The following TRIM26 variants were observed in gnomAD, a reference collection of about 807,000 sequenced individuals.
TRIM26 encodes the protein tripartite motif containing 26.
Under a neutral mutation model 45.5 loss-of-function variants are expected in TRIM26, and 16 were observed. The observed-to-expected ratio is 0.35, with a 90% CI of 0.24 to 0.53. The LOEUF is 0.53. Among genes scored for constraint, TRIM26 ranks in the 20% least tolerant of loss-of-function variants. The probability of loss-of-function intolerance (pLI) is 0.92; values close to 1 mark genes in which losing one functional copy is unlikely to be tolerated. For synonymous variants in TRIM26, 273 were observed against 290.4 expected, an observed-to-expected ratio of 0.94 and a Z score of 0.61; for missense variants, 442 against 691.1, an observed-to-expected ratio of 0.64 and a Z score of 4.04.
At position 30,207,027 on chromosome 6, in the gene TRIM26, A is replaced by G. The variant is rs1274999537; in HGVS notation, c.-375-2262T>C. On this transcript the variant is annotated intron_variant, in intron 1 of 9. Coordinates refer to ENST00000454678, the MANE Select transcript of TRIM26 (RefSeq NM_003449.5). The surrounding 1 kb of genome is among the most constrained non-coding windows in gnomAD (Gnocchi z 4.9). ...AATGAACTCTTCCCTGCCCATATGG[A>G]GTGCTGTGGAGGGTTAGCCTCACAG... 1.3e-5 allele frequency among the ~76,000 whole-genome samples: 2 copies of G among 152,168 alleles called. No homozygotes were observed. Among genetic ancestry groups the G allele is most frequent in the Non-Finnish European group, 1.5e-5 (1 of 68,030 alleles).
Position 30,207,420 on chromosome 6 carries a change from G to T in TRIM26, c.-375-2655C>A, listed in dbSNP as rs1436545962. ...AAGCTGAAATCAGATCCAACTGTGG[G>T]ATCATCAAACCCTCAAGGGTTTCCT... On this transcript the variant is annotated intron_variant, in intron 1 of 9. Coordinates refer to ENST00000454678, the MANE Select transcript of TRIM26 (RefSeq NM_003449.5). The surrounding 1 kb of genome is among the most constrained non-coding windows in gnomAD (Gnocchi z 4.9). Among the ~76,000 whole-genome samples, 1 of 152,114 alleles carries T rather than the reference G, an allele frequency of 6.6e-6. No homozygotes were observed. Among genetic ancestry groups the T allele is most frequent in the Non-Finnish European group, 1.5e-5 (1 of 68,032 alleles).
rs760883905 is a variant in TRIM26, at chr6:30,186,326, TTCC to T, written c.1167_1169del (p.Glu391del). The T allele has an allele frequency of 1.9e-5, 31 of 1,611,502 alleles. No homozygotes were observed. The highest frequency in any genetic ancestry group is 2.2e-5 in the East Asian group (1 of 44,870). ...CTTCCTCCTCCTCCTCTTCTCCCTC[TTCC>T]TCCTCATCCCCCTCTTCTTCATCCT... On this transcript the variant is annotated inframe_deletion, in exon 10 of 10. Coordinates refer to ENST00000454678, the MANE Select transcript of TRIM26 (RefSeq NM_003449.5). The surrounding 1 kb of genome is among the most constrained non-coding windows in gnomAD (Gnocchi z 7.4).
chr6:30,198,433 G>A lies in TRIM26; in HGVS notation c.530C>T (p.Ala177Val), dbSNP rs765164788. Residue 177 changes from alanine to valine, a missense_variant, in exon 5 of 10, where the codon GCG (alanine) becomes GTG (valine). Ala to Val is a moderately conservative substitution (Grantham distance 64). Coordinates refer to ENST00000454678, the MANE Select transcript of TRIM26 (RefSeq NM_003449.5). This position sits in a 1 kb window ranked among gnomAD's most constrained non-coding sequence, Gnocchi z 6.3. ...QAKGEADILAALKKLQDQRQY... is the reference protein window; with the variant it reads ...QAKGEADILAVLKKLQDQRQY... ...TCCTGAAACAGCCTCACTTACCAGC[G>A]CGGCCAGGATATCAGCTTCTCCCTT... 12 of 1,612,946 alleles carry A rather than the reference G, an allele frequency of 7.4e-6. No individual in the cohort carries two copies. Among genetic ancestry groups the A allele is most frequent in the Non-Finnish European group, 8.5e-6 (10 of 1,180,044 alleles).
chr6:30,185,974 G>T lies in TRIM26; in HGVS notation c.1522C>A (p.Gln508Lys), dbSNP rs1343051536. The T allele has an allele frequency of 6.2e-7, 1 of 1,612,814 alleles. No individual in the cohort carries two copies. The highest frequency in any genetic ancestry group is 8.5e-7 in the Non-Finnish European group (1 of 1,179,924). Residue 508 changes from glutamine (Q) to lysine (K), a missense_variant, in exon 10 of 10, where the codon CAG (glutamine) becomes AAG (lysine). Transcript: ENST00000454678. The surrounding 1 kb of genome is among the most constrained non-coding windows in gnomAD (Gnocchi z 5.7). ...GTVTFTNAES[Q>K]ELIYTFTATF... ...GCAGTGAAGGTGTAGATGAGTTCCT[G>T]TGACTCTGCGTTGGTGAAAGTCACG... is the stretch of plus-strand genomic sequence containing the variant.
At position 30,203,501 on chromosome 6, in the gene TRIM26, C is replaced by T. The variant is rs183917192; in HGVS notation, c.-266+1155G>A. Among the ~76,000 whole-genome samples, 1,102 of 152,192 alleles carry T rather than the reference C, an allele frequency of 7.2e-3. 42 individuals carry two copies. The South Asian group carries it at 0.12, about 17-fold the overall frequency. ...GCGCAATCTGGCTCACTACAACCTT[C>T]GCTTGCCAGGTTCAAGCGATTCTCC... On this transcript the variant is annotated intron_variant, in intron 2 of 9. Coordinates refer to ENST00000454678, the MANE Select transcript of TRIM26 (RefSeq NM_003449.5).
Position 30,199,043 on chromosome 6 carries a change from C to A in TRIM26, c.61G>T (p.Asp21Tyr), listed in dbSNP as rs1415534225. The A allele has an allele frequency of 6.2e-7, 1 of 1,604,056 alleles. No homozygotes were observed. Among genetic ancestry groups the A allele is most frequent in the Non-Finnish European group, 8.5e-7 (1 of 1,173,586 alleles). The change falls in exon 4 of 10, where the codon GAT (aspartate) becomes TAT (tyrosine). Residue 21 changes from aspartate (D) to tyrosine (Y), a missense_variant. Physicochemically the swap from Asp to Tyr is radical, Grantham distance 160. Coordinates refer to ENST00000454678, the MANE Select transcript of TRIM26 (RefSeq NM_003449.5). ...EEEVTCSICL[D>Y]YLRDPVTIDC... ...ATGGTCACAGGGTCCCGCAGGTAAT[C>A]AAGACAGATGGAGCAGGTCACCTCC... is the stretch of plus-strand genomic sequence containing the variant.
At position 30,190,908 on chromosome 6, in the gene TRIM26, CTTCTA is replaced by C. The variant is rs1775761442; in HGVS notation, c.766-878_766-874del. 6.6e-6 allele frequency among the ~76,000 whole-genome samples: 1 copy of C among 152,156 alleles called. No homozygotes were observed. Among genetic ancestry groups the C allele is most frequent in the Admixed American group, 6.5e-5 (1 of 15,274 alleles). On this transcript the variant is annotated intron_variant, in intron 6 of 9. Coordinates refer to ENST00000454678, the MANE Select transcript of TRIM26 (RefSeq NM_003449.5). The surrounding 1 kb of genome is among the most constrained non-coding windows in gnomAD (Gnocchi z 4.3). ...AACTGTTAACTGAGGCAGAAATAAA[CTTCTA>C]TTCTGTTTGCGTCACTGTACAGCAG...
intron 6 of TRIM26, among the ~76,000 whole-genome samples, chr6:30,192,077 A>C (rs2284164): frequency 0.43 from 64,813 of 152,046 alleles, 13,993 homozygotes; most frequent in Non-Finnish European, 0.45. Flanking sequence ...GCTGGCCCTG[A>C]GGAGAAGAGG....
intron 5 of TRIM26, among the ~76,000 whole-genome samples, chr6:30,197,828 C>T (rs948913620): frequency 5.9e-5 from 9 of 152,042 alleles, no homozygotes; most frequent in African/African-American, 1.9e-4. Flanking sequence ...TCAGTAGAGA[C>T]GCTTTTTCTT....
At chr6:30,208,986 GC>G (rs1778013987) in intron 1 of TRIM26, among the ~76,000 whole-genome samples, 1 of 148,606 alleles carries the variant, frequency 6.7e-6, no homozygotes, top group African/African-American at 2.5e-5. Context: ...CATGAGACAG[GC>G]CCAATAACAG....
intron 1 of TRIM26, among the ~76,000 whole-genome samples, chr6:30,211,564 C>G (rs187304637): frequency 2.6e-5 from 4 of 152,276 alleles, no homozygotes; most frequent in Admixed American, 2.6e-4. Context: ...TCACCCACTG[C>G]CTTAGGCCTT....
rs375017885 is a variant in TRIM26, at chr6:30,198,007, C to T, written c.534+422G>A. On this transcript the variant is annotated intron_variant, in intron 5 of 9. Coordinates refer to ENST00000454678, the MANE Select transcript of TRIM26 (RefSeq NM_003449.5). This position sits in a 1 kb window ranked among gnomAD's most constrained non-coding sequence, Gnocchi z 6.3. ...CTTAGCTGTTTTCTAGCCCTTCCCT[C>T]TCAGTTCTTACCCTGGAGCCAGCTC... Among the ~76,000 whole-genome samples, 12 of 152,326 alleles carry T rather than the reference C, an allele frequency of 7.9e-5. No individual in the cohort carries two copies. In the East Asian group the frequency reaches 2.3e-3, roughly 29 times the overall value.
In TRIM26 at chr6:30,199,223, G is replaced by T; in HGVS notation, c.-120C>A. The T allele has an allele frequency of 1.1e-6, 1 of 902,170 alleles. No homozygotes were observed. The highest frequency in any genetic ancestry group is 1.6e-6 in the Non-Finnish European group (1 of 613,706). The allele number at this position is 902,170 out of a possible 1,614,324, so 55.9% of individuals were successfully genotyped here. ...CAAAGGTGGCAGCCTGCACAGGGCT[G>T]CCAGCTCCAGCACTCAGTCAATCGA... On this transcript the variant is annotated 5_prime_UTR_variant, in exon 4 of 10. Coordinates refer to ENST00000454678, the MANE Select transcript of TRIM26 (RefSeq NM_003449.5).
chr6:30,189,653 A>C lies in TRIM26; in HGVS notation c.789-120T>G. 1 of 873,608 alleles carries C rather than the reference A, an allele frequency of 1.1e-6. No homozygotes were observed. Among genetic ancestry groups the C allele is most frequent in the Non-Finnish European group, 1.8e-6 (1 of 557,748 alleles). 54.1% of individuals were successfully genotyped at this position (873,608 alleles called of 1,614,324 possible). On this transcript the variant is annotated intron_variant, in intron 7 of 9. Coordinates refer to ENST00000454678, the MANE Select transcript of TRIM26 (RefSeq NM_003449.5). The surrounding 1 kb of genome is among the most constrained non-coding windows in gnomAD (Gnocchi z 5.0). ...AGGAAAGGTATGATTATCCCCAAAC[A>C]AGTGACAGAAAAACAGTGGCCCAAA...
rs749086058 is a variant in TRIM26, at chr6:30,186,383, T to C, written c.1113A>G (p.Glu371=). 76 of 1,612,284 alleles carry C rather than the reference T, an allele frequency of 4.7e-5. 1 individual carries two copies. In the Middle Eastern group the frequency reaches 9.9e-4, roughly 21 times the overall value. ...KGFTWGKVYW[E]VEVEREGWSE... is the part of the protein sequence containing the mutation. Reference sequence around the variant, plus strand: ...ACCAGCCCTCCCTCTCCACTTCCACTTCCCAGTAGACCTTGCCCCAGGTGA... The same window carrying C: ...ACCAGCCCTCCCTCTCCACTTCCACCTCCCAGTAGACCTTGCCCCAGGTGA... The change falls in exon 10 of 10, where the codon GAA becomes GAG. Residue 371 remains glutamate (E), a synonymous_variant. Coordinates refer to ENST00000454678, the MANE Select transcript of TRIM26 (RefSeq NM_003449.5). The surrounding 1 kb of genome is among the most constrained non-coding windows in gnomAD (Gnocchi z 7.4).
Position 30,209,718 on chromosome 6 carries a change from G to A in TRIM26, c.-376+3587C>T, listed in dbSNP as rs1778086447. Among the ~76,000 whole-genome samples the A allele has an allele frequency of 6.6e-6, 1 of 152,088 alleles. No individual in the cohort carries two copies. Among genetic ancestry groups the A allele is most frequent in the Admixed American group, 6.5e-5 (1 of 15,270 alleles). The stretch of plus-strand genomic sequence containing the variant: ...CTCCTGCTTCAAATCTCCTAGCTGA[G>A]GCTGGGTTTGGTGCCTCATGCCTAT... On this transcript the variant is annotated intron_variant, in intron 1 of 9. Transcript: ENST00000454678. The surrounding 1 kb of genome is among the most constrained non-coding windows in gnomAD (Gnocchi z 4.8).
At chr6:30,212,882 C>G (rs1367747400) in intron 1 of TRIM26, among the ~76,000 whole-genome samples, 3 of 135,300 alleles carry the variant, frequency 2.2e-5, no homozygotes, top group African/African-American at 8.3e-5. Context: ...AGCACAGCTC[C>G]AAGTATTTGT....
intron 6 of TRIM26, among the ~76,000 whole-genome samples, chr6:30,191,833 G>A (rs1775875268): frequency 6.6e-6 from 1 of 152,234 alleles, no homozygotes; most frequent in African/African-American, 2.4e-5. Flanking sequence ...CAGAGGACAG[G>A]CAACAAAACA....
At chr6:30,199,626 CGTTTTTTTTTTTTG>C (rs1378651182) in intron 3 of TRIM26, among the ~76,000 whole-genome samples, 1 of 144,750 alleles carries the variant, frequency 6.9e-6, no homozygotes, top group African/African-American at 2.6e-5. Context: ...AGAGACCGCC[CGTTTTTTTTTTTTG>C]GTTTTTTTTT....
Sources: gnomAD v4.1 joint callset for allele counts (sites outside exome capture counted in the v4.1 genomes callset) on GRCh38, gnomAD v4.1.1 for gene constraint, Gnocchi (gnomAD v3.1) non-coding constraint, MANE v1.5 for transcripts, NCBI Gene and HGNC (gene_info 2026-07-23, HGNC 2026-07-21) for gene names.